PRR16: variants seen among roughly 807,000 people sequenced by gnomAD.
PRR16 encodes proline rich 16, also known as protein Largen.
Under a neutral mutation model 18.2 loss-of-function variants are expected in PRR16, and 6 were observed. The ratio of observed to expected loss-of-function variants is 0.33; its 90% CI spans 0.18 to 0.65. The LOEUF (loss-of-function observed/expected upper bound fraction) is 0.65. Ranked by LOEUF, PRR16 falls within the 30% of genes least tolerant of loss-of-function variation. The probability of loss-of-function intolerance (pLI) is 0.74; values close to 1 mark genes in which losing one functional copy is unlikely to be tolerated. For missense variants in PRR16, 412 were observed against 376.6 expected, an observed-to-expected ratio of 1.09 and a Z score of -0.78; for synonymous variants, 151 against 147.8, an observed-to-expected ratio of 1.02 and a Z score of -0.16.
the PRR16 span, among the ~76,000 whole-genome samples, chr5:120,760,845 A>C: frequency 6.6e-6 from 1 of 152,098 alleles, no homozygotes; most frequent in East Asian, 1.9e-4. Flanking sequence ...CTCCGGTAGC[A>C]CAATGAAAAC....
chr5:120,786,032 TTTTA>T, the PRR16 span, among the ~76,000 whole-genome samples: 2 of 151,670 alleles, frequency 1.3e-5, no homozygotes, highest in South Asian at 2.1e-4. Flanking sequence ...CTTTGCTAGT[TTTTA>T]TTAATTTTTA....
intron 1 of PRR16, among the ~76,000 whole-genome samples, chr5:120,674,206 T>C (rs1310023439): frequency 6.6e-6 from 1 of 152,104 alleles, no homozygotes; most frequent in African/African-American, 2.4e-5. Context: ...AGAAAAAAAT[T>C]GTCCTTCATA....
chr5:120,789,806 TTAAAA>T, the PRR16 span: 1 of 152,256 alleles, frequency 6.6e-6, no homozygotes, highest in East Asian at 1.9e-4. Flanking sequence ...GTTTAGACAT[TTAAAA>T]TAAAATGCTT....
chr5:120,624,382 G>A (rs1231654524), intron 1 of PRR16, among the ~76,000 whole-genome samples: 1 of 152,092 alleles, frequency 6.6e-6, no homozygotes, highest in African/African-American at 2.4e-5. Context: ...AAGAGTATTG[G>A]TATGGTATGT....
the PRR16 span, among the ~76,000 whole-genome samples, chr5:120,692,935 A>C: frequency 6.6e-6 from 1 of 152,222 alleles, no homozygotes; most frequent in South Asian, 2.1e-4. Context: ...ATTGCATACT[A>C]AATTTTCAGT....
At chr5:120,734,068 A>C in the PRR16 span, among the ~76,000 whole-genome samples, 1 of 152,078 alleles carries the variant, frequency 6.6e-6, no homozygotes, top group African/African-American at 2.4e-5. Context: ...AATGTGTTAC[A>C]TCTGTAATCT....
At chr5:120,753,803 C>T in the PRR16 span, among the ~76,000 whole-genome samples, 5 of 138,958 alleles carry the variant, frequency 3.6e-5, no homozygotes, top group Admixed American at 3.9e-4. Flanking sequence ...TCTAACATCC[C>T]TTGAGTTTTA....
the PRR16 span, among the ~76,000 whole-genome samples, chr5:120,738,875 A>T: frequency 6.6e-6 from 1 of 152,202 alleles, no homozygotes. Flanking sequence ...AACCAAGATG[A>T]ACTAAAAGGA....
chr5:120,777,735 G>T, the PRR16 span, among the ~76,000 whole-genome samples: 1 of 152,034 alleles, frequency 6.6e-6, no homozygotes, highest in Non-Finnish European at 1.5e-5. Context: ...TAAGTTTATT[G>T]TCCTTTGAAT....
the PRR16 span, among the ~76,000 whole-genome samples, chr5:120,722,354 A>T: frequency 6.6e-6 from 1 of 152,058 alleles, no homozygotes; most frequent in Non-Finnish European, 1.5e-5. Flanking sequence ...ACAGGAATCT[A>T]AATATGGGGT....
the PRR16 span, among the ~76,000 whole-genome samples, chr5:120,752,769 G>C: frequency 6.6e-5 from 10 of 151,710 alleles, no homozygotes; most frequent in Non-Finnish European, 1.5e-4. Context: ...CTCAAGTAGG[G>C]AAAATACTCA....
chr5:120,752,036 T>C, the PRR16 span, among the ~76,000 whole-genome samples: 6 of 152,232 alleles, frequency 3.9e-5, no homozygotes, highest in African/African-American at 1.4e-4. Flanking sequence ...TATCTTAATG[T>C]AGTTCTTGAA....
the PRR16 span, among the ~76,000 whole-genome samples, chr5:120,767,668 G>C: frequency 4.6e-5 from 7 of 151,840 alleles, no homozygotes; most frequent in Non-Finnish European, 8.8e-5. Flanking sequence ...ACAAAGGGAA[G>C]TTGAAAACAG....
At chr5:120,754,089 T>G in the PRR16 span, among the ~76,000 whole-genome samples, 1 of 82,828 alleles carries the variant, frequency 1.2e-5, no homozygotes, top group African/African-American at 4.2e-5. Context: ...TTGCTTATGT[T>G]TTAGTTATAT....
At chr5:120,644,331 A>C (rs1161036078) in intron 1 of PRR16, among the ~76,000 whole-genome samples, 1 of 152,136 alleles carries the variant, frequency 6.6e-6, no homozygotes, top group East Asian at 1.9e-4. Flanking sequence ...TCCCGATAGC[A>C]GGGCTGCCAA....
chr5:120,473,490 T>C (rs574209823), intron 1 of PRR16, among the ~76,000 whole-genome samples: 59 of 152,320 alleles, frequency 3.9e-4, no homozygotes, highest in African/African-American at 1.4e-3. Flanking sequence ...AGTGTGGCGA[T>C]AGTGACAGTG....
At chr5:120,569,589 T>A (rs913482169) in intron 1 of PRR16, among the ~76,000 whole-genome samples, 1 of 152,052 alleles carries the variant, frequency 6.6e-6, no homozygotes, top group Non-Finnish European at 1.5e-5. Flanking sequence ...GACAAACACA[T>A]GAGAAGATGT....
At chr5:120,748,486 C>A in the PRR16 span, among the ~76,000 whole-genome samples, 1 of 151,776 alleles carries the variant, frequency 6.6e-6, no homozygotes, top group African/African-American at 2.4e-5. Flanking sequence ...AAAAAAGTAT[C>A]TTTCAATGTG....
chr5:120,502,369 T>TTATA (rs56314160), intron 1 of PRR16, among the ~76,000 whole-genome samples: 58 of 148,778 alleles, frequency 3.9e-4, no homozygotes, highest in African/African-American at 9.3e-4. Flanking sequence ...ATTTTATATA[T>TTATA]TATATATATA....
Sources: allele counts gnomAD v4.1 joint callset (sites outside exome capture counted in the v4.1 genomes callset), GRCh38; gene constraint gnomAD v4.1.1; transcripts MANE v1.5; gene names NCBI Gene and HGNC (gene_info 2026-07-23, HGNC 2026-07-21).